The following NRG3 variants were observed in gnomAD, a reference collection of about 807,000 sequenced individuals.
NRG3 encodes the protein neuregulin 3.
Under a neutral mutation model 66.9 loss-of-function variants are expected in NRG3, and 31 were observed. The ratio of observed to expected loss-of-function variants is 0.46; its 90% CI spans 0.35 to 0.63. The LOEUF (loss-of-function observed/expected upper bound fraction) is 0.63, where lower values mean the gene tolerates loss of function less well. NRG3 is among the 20% of genes least tolerant of loss of function. The pLI is 0.00. For missense variants in NRG3, 910 were observed against 878.9 expected, an observed-to-expected ratio of 1.04 and a Z score of -0.45; for synonymous variants, 393 against 359.4, an observed-to-expected ratio of 1.09 and a Z score of -1.06.
intron 6 of NRG3, among the ~76,000 whole-genome samples, chr10:82,964,172 T>C (rs549067349): frequency 6.6e-6 from 1 of 152,294 alleles, no homozygotes; most frequent in South Asian, 2.1e-4. Flanking sequence ...AACAGGCATG[T>C]GATGATGACA....
intron 1 of NRG3, among the ~76,000 whole-genome samples, chr10:81,944,599 C>A (rs1304077317): frequency 1.3e-5 from 2 of 152,072 alleles, no homozygotes; most frequent in Admixed American, 6.6e-5. Flanking sequence ...TAGTAAGTGT[C>A]AGGGAAAGGA....
At chr10:82,713,274 T>C (rs984576420) in intron 2 of NRG3, among the ~76,000 whole-genome samples, 1 of 152,230 alleles carries the variant, frequency 6.6e-6, no homozygotes, top group African/African-American at 2.4e-5. Context: ...TAATTTGATA[T>C]GTTTTTAAAG....
At chr10:82,617,019 A>G (rs934541444) in intron 2 of NRG3, among the ~76,000 whole-genome samples, 4 of 152,228 alleles carry the variant, frequency 2.6e-5, no homozygotes, top group African/African-American at 4.8e-5. Context: ...GGGCATACGT[A>G]TTGGGGGATT....
chr10:82,738,454 A>C, intron 2 of NRG3, 123 bp from the exon 3 acceptor site: 1 of 785,638 alleles, frequency 1.3e-6, no homozygotes, highest in South Asian at 1.5e-5. Flanking sequence ...GACTGAATCA[A>C]AAAATATGAA....
At position 82,578,140 on chromosome 10, in the gene NRG3, G is replaced by A. The variant is rs373502607; in HGVS notation, c.954-160437G>A. Among the ~76,000 whole-genome samples the A allele has an allele frequency of 1.4e-4, 21 of 151,252 alleles. No homozygotes were observed. In the South Asian group the frequency reaches 1.5e-3, roughly 11 times the overall value. On this transcript the variant is annotated intron_variant, in intron 2 of 8. Coordinates refer to ENST00000372141, the MANE Select transcript of NRG3 (RefSeq NM_001010848.4). ...TCCTTTCAATATTTAATTCATTAAC[G>A]CAAGCAGATTTTTTAATAGTATAAA... is the stretch of plus-strand genomic sequence containing the variant.
At chr10:82,133,091 TCTA>T (rs957955045) in intron 1 of NRG3, among the ~76,000 whole-genome samples, 85 of 152,158 alleles carry the variant, frequency 5.6e-4, no homozygotes, top group African/African-American at 2.0e-3. Context: ...TTTCTTTTCT[TCTA>T]CTAATTTTAG....
intron 4 of NRG3, among the ~76,000 whole-genome samples, chr10:82,942,110 T>C (rs12572541): frequency 6.6e-6 from 1 of 151,938 alleles, no homozygotes; most frequent in Non-Finnish European, 1.5e-5. Context: ...CTAAAAATGG[T>C]GGTACAAAGG....
intron 2 of NRG3, among the ~76,000 whole-genome samples, chr10:82,435,055 C>A (rs909920652): frequency 6.6e-6 from 1 of 152,074 alleles, no homozygotes; most frequent in Non-Finnish European, 1.5e-5. Context: ...TAGAATTCAC[C>A]TGTGAATCTG....
At chr10:82,062,387 C>T (rs2064204020) in intron 1 of NRG3, among the ~76,000 whole-genome samples, 1 of 152,012 alleles carries the variant, frequency 6.6e-6, no homozygotes, top group African/African-American at 2.4e-5. Flanking sequence ...AGGTGGATCA[C>T]CTGAGGTTAG....
chr10:82,780,475 C>CT (rs1409952252), intron 3 of NRG3, among the ~76,000 whole-genome samples: 70 of 109,312 alleles, frequency 6.4e-4, no homozygotes, highest in African/African-American at 1.1e-3. Flanking sequence ...TTTTTTTTTT[C>CT]TTTTCTTTTT....
chr10:82,301,621 G>A (rs1217091273), intron 1 of NRG3, among the ~76,000 whole-genome samples: 1 of 148,206 alleles, frequency 6.7e-6, no homozygotes, highest in Non-Finnish European at 1.5e-5. Context: ...CATTTTCTTT[G>A]CATTTTTTGA....
At chr10:82,586,327 G>C (rs995109052) in intron 2 of NRG3, among the ~76,000 whole-genome samples, 2 of 151,500 alleles carry the variant, frequency 1.3e-5, no homozygotes, top group Non-Finnish European at 2.9e-5. Flanking sequence ...AAGACAAGGA[G>C]AAGCTGTTGG....
chr10:82,521,855 A>G (rs1590463611), intron 2 of NRG3, among the ~76,000 whole-genome samples: 1 of 152,048 alleles, frequency 6.6e-6, no homozygotes, highest in African/African-American at 2.4e-5. Context: ...CACTTCAACA[A>G]TGGTCACAGA....
At chr10:82,166,756 T>A (rs1316546310) in intron 1 of NRG3, 1 of 672,798 alleles carries the variant, frequency 1.5e-6, no homozygotes, top group Non-Finnish European at 2.7e-6. Context: ...ATTATTTTCC[T>A]TCTGCCTGGA....
At chr10:82,625,209 C>T (rs1432601476) in intron 2 of NRG3, among the ~76,000 whole-genome samples, 2 of 151,892 alleles carry the variant, frequency 1.3e-5, no homozygotes, top group African/African-American at 4.8e-5. Context: ...CTTCCTCTCT[C>T]ATACCTAGTA....
intron 4 of NRG3, among the ~76,000 whole-genome samples, chr10:82,916,411 T>G (rs1308128747): frequency 6.6e-6 from 1 of 152,154 alleles, no homozygotes; most frequent in Non-Finnish European, 1.5e-5. Flanking sequence ...ATACTTTCAT[T>G]ACTGTACTTC....
intron 3 of NRG3, among the ~76,000 whole-genome samples, chr10:82,744,487 T>A (rs568621609): frequency 6.6e-6 from 1 of 152,260 alleles, no homozygotes; most frequent in East Asian, 1.9e-4. Flanking sequence ...TCATGAGGAT[T>A]TCTTCTTCCC....
Position 82,123,267 on chromosome 10 carries a change from AT to A in NRG3, c.824-235467del, listed in dbSNP as rs200613373. 8.9e-3 allele frequency among the ~76,000 whole-genome samples: 1,361 copies of A among 152,220 alleles called. 61 individuals are homozygous for A. The highest frequency in any genetic ancestry group is 0.071 in the Admixed American group (1,080 of 15,266). ...TATCAACAGATAAAAATACTAGTTG[AT>A]TTTTCCCCTGAACTTCAGAGACACT... On this transcript the variant is annotated intron_variant, in intron 1 of 8. Transcript: ENST00000372141.
intron 3 of NRG3, among the ~76,000 whole-genome samples, chr10:82,852,780 G>T (rs571089557): frequency 6.6e-6 from 1 of 152,304 alleles, no homozygotes; most frequent in East Asian, 1.9e-4. Context: ...ACGGGGTGCC[G>T]AGTGGAGTAA....
Sources: gnomAD v4.1 joint callset for allele counts (sites outside exome capture counted in the v4.1 genomes callset) on GRCh38, gnomAD v4.1.1 for gene constraint, MANE v1.5 for transcripts, NCBI Gene and HGNC (gene_info 2026-07-23, HGNC 2026-07-21) for gene names.